The following FAM135B variants were observed in gnomAD, a reference collection of about 807,000 sequenced individuals.
The protein encoded by FAM135B is protein FAM135B.
Under a neutral mutation model 127.7 loss-of-function variants are expected in FAM135B, and 43 were observed. The observed-to-expected ratio is 0.34, with a 90% CI of 0.26 to 0.43. FAM135B has a LOEUF of 0.43. FAM135B is among the 20% of genes least tolerant of loss of function. The probability of loss-of-function intolerance (pLI) is 1.00; values close to 1 mark genes in which losing one functional copy is unlikely to be tolerated. For missense variants in FAM135B, 1,558 were observed against 1,725.6 expected, an observed-to-expected ratio of 0.90 and a Z score of 1.72; for synonymous variants, 670 against 665.1, an observed-to-expected ratio of 1.01 and a Z score of -0.11.
chr8:138,274,108 T>C (rs1003485344), intron 3 of FAM135B, among the ~76,000 whole-genome samples: 20 of 152,234 alleles, frequency 1.3e-4, no homozygotes, highest in African/African-American at 4.1e-4. Context: ...ACTAGTGAAA[T>C]ACTTCCTTGT....
intron 1 of FAM135B, among the ~76,000 whole-genome samples, chr8:138,447,024 C>A (rs893257153): frequency 1.4e-4 from 21 of 152,178 alleles, no homozygotes; most frequent in African/African-American, 5.1e-4. Context: ...CTAAAGAAGA[C>A]ATTTATGCAG....
intron 7 of FAM135B, among the ~76,000 whole-genome samples, chr8:138,221,830 T>C (rs939180990): frequency 6.6e-6 from 1 of 152,164 alleles, no homozygotes; most frequent in African/African-American, 2.4e-5. Flanking sequence ...AAAGAATGCA[T>C]ATGTATATAT....
chr8:138,140,291 T>C (rs1329652901), intron 17 of FAM135B, among the ~76,000 whole-genome samples: 1 of 152,200 alleles, frequency 6.6e-6, no homozygotes, highest in Non-Finnish European at 1.5e-5. Flanking sequence ...CAGGGGACAG[T>C]GGCAGAGGCC....
At chr8:138,336,151 G>T (rs995926742) in intron 2 of FAM135B, among the ~76,000 whole-genome samples, 6 of 152,006 alleles carry the variant, frequency 3.9e-5, no homozygotes, top group Non-Finnish European at 8.8e-5. Context: ...ACAAGAGAAA[G>T]CAGGAAAGAT....
At chr8:138,487,664 G>A (rs1209517047) in intron 1 of FAM135B, among the ~76,000 whole-genome samples, 1 of 152,008 alleles carries the variant, frequency 6.6e-6, no homozygotes, top group Non-Finnish European at 1.5e-5. Context: ...GGGCTGGGCA[G>A]GGGTGGTACT....
intron 1 of FAM135B, among the ~76,000 whole-genome samples, chr8:138,400,673 AC>A (rs1231047712): frequency 6.6e-6 from 1 of 151,968 alleles, no homozygotes; most frequent in Non-Finnish European, 1.5e-5. Flanking sequence ...CTTTGTTTAA[AC>A]CCATCCAAGA....
At chr8:138,312,852 C>T (rs1826801468) in intron 2 of FAM135B, among the ~76,000 whole-genome samples, 1 of 152,152 alleles carries the variant, frequency 6.6e-6, no homozygotes, top group Non-Finnish European at 1.5e-5. Context: ...TGTGGGGAGC[C>T]TGGACCTCCA....
chr8:138,224,192 A>G (rs542152457), intron 7 of FAM135B, among the ~76,000 whole-genome samples: 2 of 152,294 alleles, frequency 1.3e-5, no homozygotes, highest in African/African-American at 4.8e-5. Flanking sequence ...AAAGTTGAAA[A>G]AGATAAAAAT....
intron 9 of FAM135B, among the ~76,000 whole-genome samples, chr8:138,180,895 C>A (rs376307318): frequency 6.6e-6 from 1 of 152,100 alleles, no homozygotes; most frequent in Admixed American, 6.5e-5. Context: ...AGGGGTCAAA[C>A]AGGGAATGGC....
At chr8:138,339,257 A>T (rs1357365868) in intron 2 of FAM135B, among the ~76,000 whole-genome samples, 1 of 151,968 alleles carries the variant, frequency 6.6e-6, no homozygotes, top group Non-Finnish European at 1.5e-5. Flanking sequence ...TTTAAAGTAT[A>T]ATTTAAAAAA....
intron 2 of FAM135B, among the ~76,000 whole-genome samples, chr8:138,355,724 T>C (rs902619148): frequency 1.3e-5 from 2 of 152,174 alleles, no homozygotes; most frequent in African/African-American, 4.8e-5. Flanking sequence ...AATTTCCTCC[T>C]GAGAGTACCG....
At chr8:138,444,681 T>TG (rs1836004667) in intron 1 of FAM135B, among the ~76,000 whole-genome samples, 1 of 152,052 alleles carries the variant, frequency 6.6e-6, no homozygotes, top group Non-Finnish European at 1.5e-5. Context: ...TAGCACTAAA[T>TG]GCCCACAAGA....
intron 2 of FAM135B, among the ~76,000 whole-genome samples, chr8:138,311,724 C>G (rs1826698311): frequency 6.6e-6 from 1 of 152,184 alleles, no homozygotes; most frequent in South Asian, 2.1e-4. Flanking sequence ...GAGCTCATAG[C>G]TGGGCGAGCA....
At chr8:138,381,206 C>T (rs1170061783) in intron 1 of FAM135B, among the ~76,000 whole-genome samples, 1 of 152,132 alleles carries the variant, frequency 6.6e-6, no homozygotes, top group Non-Finnish European at 1.5e-5. Flanking sequence ...GGCCCTTCTT[C>T]CCTCGCTGTG....
chr8:138,372,369 G>A (rs1232946121), intron 1 of FAM135B, among the ~76,000 whole-genome samples: 4 of 152,190 alleles, frequency 2.6e-5, no homozygotes, highest in African/African-American at 7.2e-5. Flanking sequence ...TAGAGAAGAG[G>A]ATGGAGGGAG....
intron 1 of FAM135B, among the ~76,000 whole-genome samples, chr8:138,370,539 C>T (rs1035787048): frequency 3.9e-5 from 6 of 152,042 alleles, no homozygotes; most frequent in African/African-American, 1.2e-4. Context: ...GCAAGCTCGC[C>T]TCCCCAGTTC....
intron 1 of FAM135B, among the ~76,000 whole-genome samples, chr8:138,401,487 C>T (rs1007672082): frequency 5.9e-5 from 9 of 152,230 alleles, no homozygotes; most frequent in African/African-American, 2.2e-4. Flanking sequence ...ACTCACGTCG[C>T]CTTTCTTTCC....
intron 5 of FAM135B, among the ~76,000 whole-genome samples, chr8:138,253,130 A>G (rs1169897437): frequency 1.3e-5 from 2 of 152,132 alleles, no homozygotes; most frequent in Non-Finnish European, 2.9e-5. Flanking sequence ...ACTGCCATCC[A>G]GACTTGGGAT....
At chr8:138,375,540 C>T (rs527633139) in intron 1 of FAM135B, among the ~76,000 whole-genome samples, 1 of 152,340 alleles carries the variant, frequency 6.6e-6, no homozygotes, top group East Asian at 1.9e-4. Context: ...TTATCCCCAA[C>T]AGGTAACACA....
Sources: allele counts gnomAD v4.1 joint callset (sites outside exome capture counted in the v4.1 genomes callset), GRCh38; gene constraint gnomAD v4.1.1; transcripts MANE v1.5; gene names NCBI Gene and HGNC (gene_info 2026-07-23, HGNC 2026-07-21).